The following EXTL3 variants were observed in gnomAD, a reference collection of about 807,000 sequenced individuals.
EXTL3 encodes exostosin like glycosyltransferase 3.
In EXTL3, 27 loss-of-function variants were observed where a neutral mutation model predicts 69.3. The observed-to-expected ratio is 0.39, with a 90% confidence interval of 0.29 to 0.54. The LOEUF (loss-of-function observed/expected upper bound fraction) is 0.54, where lower values mean the gene tolerates loss of function less well. Ranked by LOEUF, EXTL3 falls within the 20% of genes least tolerant of loss-of-function variation. The pLI is 0.69. For missense variants in EXTL3, 1,003 were observed against 1,231.8 expected (o/e 0.81, Z 2.78); for synonymous variants, 511 against 499.4 (o/e 1.02, Z -0.31).
rs148819683 is a variant in EXTL3 at position 28,688,910 on chromosome 8, A to G, written c.-52-24547A>G. Among the ~76,000 whole-genome samples the G allele has an allele frequency of 1.3e-3, 204 of 152,342 alleles. 1 individual carries two copies. Among genetic ancestry groups the G allele is most frequent in the African/African-American group, 4.6e-3 (191 of 41,584 alleles). On this transcript the variant is annotated intron_variant, in intron 1 of 6. Transcript: ENST00000523149. ...AGAGATGAAAGAAGAATCAGTGAAT[A>G]TGTACTCAGCTGTCAGCTTAAGGCA... is the stretch of plus-strand genomic sequence containing the variant.
intron 1 of EXTL3, among the ~76,000 whole-genome samples, chr8:28,638,966 C>T (rs1035462806): frequency 4.7e-5 from 7 of 148,218 alleles, no homozygotes; most frequent in African/African-American, 1.8e-4. Flanking sequence ...GAGATGGAGC[C>T]TCACTGTGTC....
At chr8:28,706,671 G>A (rs1352888457) in intron 1 of EXTL3, among the ~76,000 whole-genome samples, 1 of 152,136 alleles carries the variant, frequency 6.6e-6, no homozygotes, top group African/African-American at 2.4e-5. Context: ...TATCTTGTTT[G>A]AAATGTGTAT....
chr8:28,608,734 C>T (rs931838496), intron 2 of EXTL3, among the ~76,000 whole-genome samples: 6 of 151,862 alleles, frequency 4.0e-5, no homozygotes, highest in Admixed American at 6.6e-5. Context: ...CCTGGTGGCT[C>T]ACATCTGTGG....
At chr8:28,692,293 A>G (rs111496779) in intron 1 of EXTL3, among the ~76,000 whole-genome samples, 14 of 152,120 alleles carry the variant, frequency 9.2e-5, no homozygotes, top group African/African-American at 2.7e-4. Flanking sequence ...TCCACTTTTG[A>G]TCTATGGCAT....
intron 1 of EXTL3, among the ~76,000 whole-genome samples, chr8:28,666,882 C>T (rs2130633254): frequency 6.6e-6 from 1 of 152,330 alleles, no homozygotes; most frequent in Admixed American, 6.5e-5. Flanking sequence ...GCCCCAGCCA[C>T]TCCTTTCTTA....
upstream of EXTL3, chr8:28,701,086 G>A (rs1026445915): frequency 4.3e-4 from 65 of 152,278 alleles, no homozygotes; most frequent in African/African-American, 1.5e-3. Flanking sequence ...CACGGCGCCC[G>A]TCCTTGGAGG....
chr8:28,611,618 G>A (rs569522890), intron 2 of EXTL3, among the ~76,000 whole-genome samples: 1 of 152,300 alleles, frequency 6.6e-6, no homozygotes, highest in South Asian at 2.1e-4. Context: ...CACAGCGAGA[G>A]GGGTGATGAC....
intron 1 of EXTL3, among the ~76,000 whole-genome samples, chr8:28,652,031 GTGTGTGTC>G: frequency 7.7e-6 from 1 of 130,492 alleles, no homozygotes; most frequent in Admixed American, 7.3e-5. Flanking sequence ...TCCATTGTGT[GTGTGTGTC>G]TGTGTGTGTG....
chr8:28,644,566 G>A (rs1806798936), intron 1 of EXTL3, among the ~76,000 whole-genome samples: 1 of 152,080 alleles, frequency 6.6e-6, no homozygotes, highest in African/African-American at 2.4e-5. Flanking sequence ...AGGCACAGTG[G>A]TTCACGCCTA....
intron 1 of EXTL3, among the ~76,000 whole-genome samples, chr8:28,624,689 A>G (rs994349428): frequency 3.3e-5 from 5 of 152,226 alleles, no homozygotes; most frequent in Non-Finnish European, 5.9e-5. Flanking sequence ...AATAAACCCA[A>G]AAGATAAAAC....
chr8:28,694,661 G>T (rs1460714402), intron 1 of EXTL3, among the ~76,000 whole-genome samples: 1 of 152,070 alleles, frequency 6.6e-6, no homozygotes, highest in Non-Finnish European at 1.5e-5. Context: ...TATTGTTTAG[G>T]GTCGTTAAAG....
At chr8:28,650,686 A>G (rs1016290272) in intron 1 of EXTL3, among the ~76,000 whole-genome samples, 4 of 151,784 alleles carry the variant, frequency 2.6e-5, no homozygotes, top group African/African-American at 7.3e-5. Context: ...TTATTTCTCT[A>G]TTCTTTCCCT....
At chr8:28,631,010 CTGAGA>C (rs1012269281) in intron 1 of EXTL3, among the ~76,000 whole-genome samples, 1 of 152,138 alleles carries the variant, frequency 6.6e-6, no homozygotes, top group Non-Finnish European at 1.5e-5. Context: ...CGTGGGACAC[CTGAGA>C]TGAGACATTT....
At chr8:28,740,341 T>C (rs1801749724) in intron 5 of EXTL3, 1 of 152,282 alleles carries the variant, frequency 6.6e-6, no homozygotes, top group Admixed American at 6.5e-5. Context: ...TGGAGTGCAG[T>C]GGCACCATCT....
chr8:28,616,196 A>G (rs1806328587), intron 2 of EXTL3, among the ~76,000 whole-genome samples: 1 of 152,230 alleles, frequency 6.6e-6, no homozygotes, highest in South Asian at 2.1e-4. Flanking sequence ...GAATTAGTAT[A>G]TAAGAGACTT....
intron 1 of EXTL3, among the ~76,000 whole-genome samples, chr8:28,624,616 G>A (rs1303521999): frequency 6.6e-6 from 1 of 152,076 alleles, no homozygotes; most frequent in Non-Finnish European, 1.5e-5. Flanking sequence ...ATCTTTAAAA[G>A]ATTAAAAACA....
chr8:28,685,580 C>T (rs1446481388), intron 1 of EXTL3, among the ~76,000 whole-genome samples: 9 of 151,808 alleles, frequency 5.9e-5, no homozygotes, highest in African/African-American at 1.2e-4. Context: ...CTCCTGCCTC[C>T]GCTTCCTAAA....
chr8:28,665,940 C>T (rs776492703), intron 1 of EXTL3, among the ~76,000 whole-genome samples: 124 of 152,190 alleles, frequency 8.1e-4, no homozygotes, highest in Non-Finnish European at 1.1e-3. Flanking sequence ...TTCTGTCTGG[C>T]GTCATCCAGT....
At chr8:28,652,887 T>C (rs939873339) in intron 1 of EXTL3, among the ~76,000 whole-genome samples, 2 of 152,158 alleles carry the variant, frequency 1.3e-5, no homozygotes, top group Non-Finnish European at 2.9e-5. Context: ...AGTTTTTAAG[T>C]TAACAGCAAA....
Sources: allele counts gnomAD v4.1 joint callset (sites outside exome capture counted in the v4.1 genomes callset), GRCh38; gene constraint gnomAD v4.1.1; transcripts MANE v1.5; gene names NCBI Gene and HGNC (gene_info 2026-07-23, HGNC 2026-07-21).